The following CPT1A variants were observed in gnomAD, a reference collection of about 807,000 sequenced individuals.
The protein encoded by CPT1A is carnitine O-palmitoyltransferase 1, liver isoform.
Under a neutral mutation model 100.8 loss-of-function variants are expected in CPT1A, and 64 were observed. That is an observed-to-expected ratio of 0.63 (90% CI 0.52 to 0.78). CPT1A has a LOEUF of 0.78. CPT1A is among the 30% of genes least tolerant of loss of function. The pLI is 0.00. For synonymous variants in CPT1A, 363 were observed against 396.0 expected (o/e 0.92, Z 0.99); for missense variants, 802 against 1,034.1 (o/e 0.78, Z 3.08).
chr11:68,793,745 C>CAAAAAAAAAAA (rs1289830613), intron 8 of CPT1A, among the ~76,000 whole-genome samples: 1 of 66,228 alleles, frequency 1.5e-5, no homozygotes. Context: ...GACTCTGTCT[C>CAAAAAAAAAAA]AAAAAAAAAA....
At chr11:68,822,686 T>A (rs1856616392) in intron 1 of CPT1A, among the ~76,000 whole-genome samples, 1 of 152,104 alleles carries the variant, frequency 6.6e-6, no homozygotes, top group Non-Finnish European at 1.5e-5. Flanking sequence ...AAAGTGGCAA[T>A]ACATTCTGCT....
intron 8 of CPT1A, among the ~76,000 whole-genome samples, chr11:68,794,491 A>G (rs959393407): frequency 6.6e-6 from 1 of 152,064 alleles, no homozygotes; most frequent in Non-Finnish European, 1.5e-5. Flanking sequence ...GCTCGCTGCA[A>G]CCTCCACCTC....
chr11:68,793,500 CT>C, intron 8 of CPT1A, 98 bp from the exon 9 acceptor site: 1 of 880,898 alleles, frequency 1.1e-6, no homozygotes, highest in Non-Finnish European at 1.8e-6. Context: ...AATCCCAACA[CT>C]TTGGGAGGCT....
At chr11:68,812,628 C>A in intron 2 of CPT1A, 52 bp from the exon 3 acceptor site, 1 of 1,610,848 alleles carries the variant, frequency 6.2e-7, no homozygotes, top group Non-Finnish European at 8.5e-7. Context: ...ACCCACAGGG[C>A]AATGACGCTT....
In CPT1A at chr11:68,828,551, C is replaced by A. The variant is rs367611301; in HGVS notation, c.-13-13064G>T. Among the ~76,000 whole-genome samples the A allele has an allele frequency of 3.9e-5, 6 of 152,326 alleles. No individual in the cohort carries two copies. The East Asian group carries it at 9.7e-4, about 25-fold the overall frequency. On this transcript the variant is annotated intron_variant, in intron 1 of 18. Coordinates refer to ENST00000265641, the MANE Select transcript of CPT1A (RefSeq NM_001876.4). Reference sequence around the variant, plus strand: ...GCCTTCCCTGGGGTCTTGGGCACACCCTGCCAGACTGGGCACTGTGGCTGG... The same window carrying A: ...GCCTTCCCTGGGGTCTTGGGCACACACTGCCAGACTGGGCACTGTGGCTGG...
intron 6 of CPT1A, 84 bp downstream of exon 6, chr11:68,799,134 T>C: frequency 7.6e-7 from 1 of 1,310,122 alleles, no homozygotes; most frequent in Non-Finnish European, 1.1e-6. Flanking sequence ...AAACTGTCAT[T>C]TCAGCCCTGT....
intron 7 of CPT1A, among the ~76,000 whole-genome samples, chr11:68,796,107 C>T (rs1464982240): frequency 1.3e-5 from 2 of 152,084 alleles, no homozygotes; most frequent in African/African-American, 4.8e-5. Flanking sequence ...CAGAAACTAC[C>T]GTCGATGCAC....
At position 68,755,246 on chromosome 11, in the gene CPT1A, AAC is replaced by A. The variant is rs1274802388; in HGVS notation, c.*2396_*2397del. On this transcript the variant is annotated 3_prime_UTR_variant, in exon 19 of 19. Coordinates refer to ENST00000265641, the MANE Select transcript of CPT1A (RefSeq NM_001876.4). Reference sequence around the variant, plus strand: ...CAAAATGCCCTGTGAACTCTAGTGTAACACAGATTGCTCAGTGGTCAACAGTG... The same window carrying A: ...CAAAATGCCCTGTGAACTCTAGTGTAACAGATTGCTCAGTGGTCAACAGTG... 3 of 208,588 alleles carry A rather than the reference AAC, an allele frequency of 1.4e-5. No individual in the cohort carries two copies. Among genetic ancestry groups the A allele is most frequent in the Non-Finnish European group, 3.0e-5 (3 of 99,732 alleles). The allele number at this position is 208,588 out of a possible 1,614,324, so 12.9% of individuals were successfully genotyped here.
chr11:68,760,975 G>T (rs1347472762), intron 16 of CPT1A, among the ~76,000 whole-genome samples: 4 of 151,690 alleles, frequency 2.6e-5, no homozygotes, highest in South Asian at 2.1e-4. Flanking sequence ...GAGCCAAGAT[G>T]GCGCCACTGC....
At chr11:68,779,066 G>A (rs1333661136) in intron 12 of CPT1A, among the ~76,000 whole-genome samples, 9 of 152,092 alleles carry the variant, frequency 5.9e-5, no homozygotes, top group Non-Finnish European at 1.0e-4. Flanking sequence ...TTACAGGCGT[G>A]AGCCACCGCG....
At chr11:68,773,151 G>A (rs1855038662) in intron 14 of CPT1A, 114 bp downstream of exon 14, 3 of 1,553,194 alleles carry the variant, frequency 1.9e-6, no homozygotes, top group Non-Finnish European at 2.6e-6. Context: ...GGGGGGAGCT[G>A]TGCTTCTCCT....
At chr11:68,799,501 C>A in intron 5 of CPT1A, 146 bp from the exon 6 acceptor site, 1 of 888,778 alleles carries the variant, frequency 1.1e-6, no homozygotes, top group South Asian at 1.5e-5. Context: ...GTAATCCCAG[C>A]ACTTTGGGAG....
intron 18 of CPT1A, 122 bp downstream of exon 18, chr11:68,759,447 G>A (rs886781337): frequency 4.3e-5 from 32 of 740,532 alleles, no homozygotes; most frequent in Middle Eastern, 2.5e-4. Flanking sequence ...GAAAATTCCC[G>A]AAATCAAGTA....
At chr11:68,833,023 G>A (rs892872434) in intron 1 of CPT1A, among the ~76,000 whole-genome samples, 3 of 152,276 alleles carry the variant, frequency 2.0e-5, no homozygotes, top group South Asian at 4.2e-4. Context: ...TTGGATGCCC[G>A]GGTGACCAAT....
At chr11:68,806,241 C>G (rs1856042585) in intron 4 of CPT1A, among the ~76,000 whole-genome samples, 1 of 152,090 alleles carries the variant, frequency 6.6e-6, no homozygotes, top group African/African-American at 2.4e-5. Flanking sequence ...GTTCCCCAGG[C>G]TGGTCTCAAA....
intron 1 of CPT1A, among the ~76,000 whole-genome samples, chr11:68,835,823 A>G (rs1566392882): frequency 1.3e-5 from 2 of 152,156 alleles, no homozygotes; most frequent in Non-Finnish European, 2.9e-5. Flanking sequence ...AGCTCTACCA[A>G]TTACTCAGAC....
At position 68,800,549 on chromosome 11, in the gene CPT1A, C is replaced by G. The variant is rs2154000280; in HGVS notation, c.556-1194G>C. On this transcript the variant is annotated intron_variant, in intron 5 of 18. Coordinates refer to ENST00000265641, the MANE Select transcript of CPT1A (RefSeq NM_001876.4). ...GGTGCGGTGGCATGTGCCTGTGATC[C>G]CAGCTACTTGGAAGGTTGAGGTGTG... 3.3e-5 allele frequency among the ~76,000 whole-genome samples: 5 copies of G among 152,024 alleles called. No homozygotes were observed. The South Asian group carries it at 1.0e-3, about 32-fold the overall frequency.
At chr11:68,824,801 T>TA (rs1856679335) in intron 1 of CPT1A, among the ~76,000 whole-genome samples, 1 of 149,694 alleles carries the variant, frequency 6.7e-6, no homozygotes, top group African/African-American at 2.5e-5. Context: ...TATCTTTTTT[T>TA]TTTTTTTTTT....
intron 10 of CPT1A, among the ~76,000 whole-genome samples, chr11:68,782,699 C>T (rs1658952405): frequency 6.6e-6 from 1 of 152,218 alleles, no homozygotes; most frequent in African/African-American, 2.4e-5. Context: ...CACTGCCCAC[C>T]CTTCCAGATC....
Sources: gnomAD v4.1 joint callset for allele counts (sites outside exome capture counted in the v4.1 genomes callset) on GRCh38, gnomAD v4.1.1 for gene constraint, MANE v1.5 for transcripts, NCBI Gene and HGNC (gene_info 2026-07-23, HGNC 2026-07-21) for gene names.